The following AGBL4 variants were observed in gnomAD, a reference collection of about 807,000 sequenced individuals.
AGBL4 encodes cytosolic carboxypeptidase 6.
Under a neutral mutation model 66.4 loss-of-function variants are expected in AGBL4, and 58 were observed. That is an observed-to-expected ratio of 0.87 (90% CI 0.71 to 1.09). The LOEUF is 1.09. Ranked by LOEUF, AGBL4 falls within the 50% of genes least tolerant of loss-of-function variation. The pLI is 0.00. For missense variants in AGBL4, 579 were observed against 631.0 expected (o/e 0.92, Z 0.88); for synonymous variants, 234 against 222.9 (o/e 1.05, Z -0.44).
At chr1:48,774,038 A>C (rs2148702631) in intron 6 of AGBL4, among the ~76,000 whole-genome samples, 1 of 152,394 alleles carries the variant, frequency 6.6e-6, no homozygotes, top group Non-Finnish European at 1.5e-5. Context: ...GTATACTTCA[A>C]GACAGCTCTG....
At chr1:48,728,997 A>G (rs780433109) in intron 6 of AGBL4, among the ~76,000 whole-genome samples, 6 of 152,206 alleles carry the variant, frequency 3.9e-5, no homozygotes, top group South Asian at 2.1e-4. Context: ...CCAGCTCCAG[A>G]CAAGGTCTGG....
intron 4 of AGBL4, among the ~76,000 whole-genome samples, chr1:49,231,378 C>T (rs530822037): frequency 4.3e-4 from 66 of 152,084 alleles, no homozygotes; most frequent in Non-Finnish European, 6.9e-4. Flanking sequence ...TCGTGGCAGT[C>T]GAAACTCCAA....
At chr1:48,726,028 T>C (rs1307912667) in intron 6 of AGBL4, among the ~76,000 whole-genome samples, 1 of 152,134 alleles carries the variant, frequency 6.6e-6, no homozygotes, top group Non-Finnish European at 1.5e-5. Flanking sequence ...GGGATCATTC[T>C]CTCCACACCA....
intron 4 of AGBL4, among the ~76,000 whole-genome samples, chr1:49,176,082 TAGGTACATAG>T (rs1414119822): frequency 2.0e-5 from 3 of 152,154 alleles, no homozygotes; most frequent in Non-Finnish European, 4.4e-5. Flanking sequence ...CCATACTCTG[TAGGTACATAG>T]TTAAGTATTA....
chr1:49,131,190 AT>A (rs1421511382), intron 4 of AGBL4, among the ~76,000 whole-genome samples: 1 of 152,104 alleles, frequency 6.6e-6, no homozygotes, highest in African/African-American at 2.4e-5. Flanking sequence ...GACAAATCTA[AT>A]TTATAATGGT....
At chr1:48,650,578 T>C (rs1249061469) in intron 8 of AGBL4, among the ~76,000 whole-genome samples, 1 of 152,094 alleles carries the variant, frequency 6.6e-6, no homozygotes, top group African/African-American at 2.4e-5. Context: ...ATTTAGTAGA[T>C]TTTTATTATT....
chr1:48,933,437 T>A (rs1655196587), intron 5 of AGBL4, among the ~76,000 whole-genome samples: 1 of 152,148 alleles, frequency 6.6e-6, no homozygotes, highest in South Asian at 2.1e-4. Flanking sequence ...ACAGCTGACT[T>A]TTATTTTTTT....
At chr1:49,021,992 A>G (rs994943876) in intron 5 of AGBL4, among the ~76,000 whole-genome samples, 3 of 152,200 alleles carry the variant, frequency 2.0e-5, no homozygotes, top group Admixed American at 2.0e-4. Context: ...AGCCTGGACC[A>G]ACAATATCAA....
At chr1:49,950,148 G>A (rs1357400516) in intron 1 of AGBL4, among the ~76,000 whole-genome samples, 17 of 137,208 alleles carry the variant, frequency 1.2e-4, no homozygotes, top group South Asian at 4.5e-4. Context: ...ACACATATGT[G>A]TATATATATA....
intron 3 of AGBL4, among the ~76,000 whole-genome samples, chr1:49,373,308 A>G (rs1467090483): frequency 6.6e-6 from 1 of 152,166 alleles, no homozygotes; most frequent in Admixed American, 6.5e-5. Context: ...TATGACCAAT[A>G]GATGCTTAAT....
intron 9 of AGBL4, among the ~76,000 whole-genome samples, chr1:48,618,843 G>T (rs1021842516): frequency 1.3e-5 from 2 of 152,050 alleles, no homozygotes; most frequent in Admixed American, 1.3e-4. Context: ...GGAGTGGGGT[G>T]CCCAAGGTAA....
chr1:48,761,546 T>A, intron 6 of AGBL4: 2 of 1,410,494 alleles, frequency 1.4e-6, no homozygotes, highest in Non-Finnish European at 1.9e-6. Flanking sequence ...GCCCAAAACC[T>A]CAAATGCTAG....
chr1:49,726,670 A>C (rs1649053230), intron 2 of AGBL4, among the ~76,000 whole-genome samples: 1 of 152,182 alleles, frequency 6.6e-6, no homozygotes, highest in Non-Finnish European at 1.5e-5. Flanking sequence ...AGCTCTCAGA[A>C]ATAAAAAATA....
chr1:48,781,215 G>A (rs1645284017), intron 6 of AGBL4, among the ~76,000 whole-genome samples: 1 of 151,584 alleles, frequency 6.6e-6, no homozygotes, highest in Admixed American at 6.6e-5. Flanking sequence ...TGCTGACAGA[G>A]TAAACACAGA....
intron 3 of AGBL4, among the ~76,000 whole-genome samples, chr1:49,370,183 C>A: frequency 6.8e-6 from 1 of 146,522 alleles, no homozygotes; most frequent in Admixed American, 6.9e-5. Flanking sequence ...TTGTATGAGC[C>A]AATAAACTGT....
intron 1 of AGBL4, among the ~76,000 whole-genome samples, chr1:49,883,429 T>A (rs1647643193): frequency 6.6e-6 from 1 of 152,128 alleles, no homozygotes; most frequent in Non-Finnish European, 1.5e-5. Context: ...ACATTGTTTA[T>A]ACCTTTCTTA....
chr1:49,969,710 A>G (rs534319609), intron 1 of AGBL4, among the ~76,000 whole-genome samples: 1 of 152,294 alleles, frequency 6.6e-6, no homozygotes, highest in South Asian at 2.1e-4. Context: ...AAAAAGCTGA[A>G]AAATACACCA....
chr1:49,794,370 A>T (rs1644679939), intron 2 of AGBL4, among the ~76,000 whole-genome samples: 1 of 151,986 alleles, frequency 6.6e-6, no homozygotes, highest in Non-Finnish European at 1.5e-5. Context: ...AATTTTGTAT[A>T]AGATATGTAC....
At chr1:49,114,971 A>G (rs1645486559) in intron 4 of AGBL4, among the ~76,000 whole-genome samples, 1 of 152,240 alleles carries the variant, frequency 6.6e-6, no homozygotes, top group South Asian at 2.1e-4. Flanking sequence ...TGTGACACAG[A>G]GACATGACTA....
Sources: allele counts gnomAD v4.1 joint callset (sites outside exome capture counted in the v4.1 genomes callset), GRCh38; gene constraint gnomAD v4.1.1; transcripts MANE v1.5; gene names NCBI Gene and HGNC (gene_info 2026-07-23, HGNC 2026-07-21).